The following TSHR variants were observed in gnomAD, a reference collection of about 807,000 sequenced individuals.
TSHR encodes thyroid stimulating hormone receptor, also known as thyrotropin receptor.
A neutral mutation model predicts 64.1 loss-of-function variants in TSHR; 51 were observed. That is an observed-to-expected ratio of 0.80 (90% CI 0.64 to 1.01). The LOEUF is 1.01. TSHR is among the 50% of genes least tolerant of loss of function. The probability of loss-of-function intolerance (pLI) is 0.00; values close to 1 mark genes in which losing one functional copy is unlikely to be tolerated. For missense variants in TSHR, 877 were observed against 942.8 expected, an observed-to-expected ratio of 0.93 and a Z score of 0.91; for synonymous variants, 361 against 361.9, an observed-to-expected ratio of 1.00 and a Z score of 0.03.
intron 7 of TSHR, among the ~76,000 whole-genome samples, chr14:81,097,292 G>T (rs576622290): frequency 6.6e-6 from 1 of 151,290 alleles, no homozygotes; most frequent in South Asian, 2.1e-4. Flanking sequence ...GCTCATTTTT[G>T]CTAGTGTCTT....
intron 1 of TSHR, among the ~76,000 whole-genome samples, chr14:81,010,185 C>T (rs1212732049): frequency 6.6e-6 from 1 of 152,010 alleles, no homozygotes; most frequent in Non-Finnish European, 1.5e-5. Context: ...CTTTTTATTG[C>T]TTCATAAGAG....
chr14:81,090,139 G>A (rs1888609628), intron 4 of TSHR, among the ~76,000 whole-genome samples: 1 of 152,098 alleles, frequency 6.6e-6, no homozygotes, highest in Non-Finnish European at 1.5e-5. Context: ...GAGAATTCTT[G>A]TATTCATGGT....
intron 1 of TSHR, among the ~76,000 whole-genome samples, chr14:81,031,466 CATG>C (rs1305435836): frequency 2.6e-5 from 4 of 152,008 alleles, no homozygotes; most frequent in African/African-American, 9.7e-5. Context: ...TAGAAAAAAA[CATG>C]AGGCTTTAAC....
At chr14:81,085,487 C>T (rs1888223094) in intron 3 of TSHR, among the ~76,000 whole-genome samples, 1 of 151,482 alleles carries the variant, frequency 6.6e-6, no homozygotes, top group Non-Finnish European at 1.5e-5. Context: ...GAAATCTTCT[C>T]CTCCTTCATG....
At chr14:80,993,622 G>T (rs1245651382) in intron 1 of TSHR, 2 of 151,774 alleles carry the variant, frequency 1.3e-5, no homozygotes, top group African/African-American at 2.4e-5. Flanking sequence ...ATAATGTAAG[G>T]GCAAAAATAT....
At chr14:80,957,703 G>C (rs1030579010) in intron 1 of TSHR, 1 of 152,198 alleles carries the variant, frequency 6.6e-6, no homozygotes, top group Non-Finnish European at 1.5e-5. Flanking sequence ...TGGAGAATGA[G>C]CAATGGAACA....
intron 1 of TSHR, among the ~76,000 whole-genome samples, chr14:80,976,072 C>T (rs1435479713): frequency 1.3e-5 from 2 of 152,102 alleles, no homozygotes; most frequent in Non-Finnish European, 2.9e-5. Context: ...CAACCACGCC[C>T]GGCTAATTTT....
intron 1 of TSHR, among the ~76,000 whole-genome samples, chr14:81,004,804 G>A (rs897018233): frequency 1.3e-5 from 2 of 152,184 alleles, no homozygotes; most frequent in African/African-American, 4.8e-5. Flanking sequence ...CATATTCATG[G>A]TTTATTTAAA....
At chr14:81,114,199 C>G (rs1890365650) in intron 8 of TSHR, among the ~76,000 whole-genome samples, 1 of 151,598 alleles carries the variant, frequency 6.6e-6, no homozygotes, top group Non-Finnish European at 1.5e-5. Flanking sequence ...ATAGGAACAG[C>G]TCCGGTCTAC....
At chr14:81,001,934 T>C in intron 1 of TSHR, 1 of 192,284 alleles carries the variant, frequency 5.2e-6, no homozygotes, top group Non-Finnish European at 1.1e-5. Flanking sequence ...TTTTTCTTCC[T>C]CCCCTTCTAA....
intron 1 of TSHR, among the ~76,000 whole-genome samples, chr14:80,965,360 C>G (rs1478857908): frequency 6.6e-6 from 1 of 152,186 alleles, no homozygotes; most frequent in Non-Finnish European, 1.5e-5. Flanking sequence ...ACTCTTTCAG[C>G]CTGCAACACC....
chr14:81,101,599 A>C (rs1889584435), intron 7 of TSHR, among the ~76,000 whole-genome samples: 1 of 152,206 alleles, frequency 6.6e-6, no homozygotes, highest in African/African-American at 2.4e-5. Context: ...CAATTATTCC[A>C]GTTCAAGGTC....
At chr14:81,038,011 C>T (rs919758275) in intron 1 of TSHR, among the ~76,000 whole-genome samples, 7 of 151,532 alleles carry the variant, frequency 4.6e-5, no homozygotes, top group African/African-American at 1.5e-4. Context: ...ATTTCACCCA[C>T]CAGCAACCTA....
intron 1 of TSHR, among the ~76,000 whole-genome samples, chr14:80,964,884 G>T (rs552482488): frequency 6.6e-6 from 1 of 152,314 alleles, no homozygotes; most frequent in South Asian, 2.1e-4. Context: ...CATTTCAACA[G>T]TTACTACTGT....
intron 3 of TSHR, among the ~76,000 whole-genome samples, chr14:81,069,474 G>A (rs1886903852): frequency 6.6e-6 from 1 of 152,202 alleles, no homozygotes; most frequent in Non-Finnish European, 1.5e-5. Context: ...AGAGTGTTAT[G>A]AAGACAGTAA....
intron 1 of TSHR, among the ~76,000 whole-genome samples, chr14:81,008,954 T>G (rs1247540322): frequency 6.6e-6 from 1 of 152,194 alleles, no homozygotes; most frequent in African/African-American, 2.4e-5. Flanking sequence ...GACACACAAT[T>G]TTCTTGCTTA....
chr14:81,006,088 T>G (rs1415063892), intron 1 of TSHR, among the ~76,000 whole-genome samples: 2 of 152,186 alleles, frequency 1.3e-5, no homozygotes, highest in Admixed American at 1.3e-4. Context: ...TTGCTTAACC[T>G]CTTTGGGCTT....
intron 1 of TSHR, among the ~76,000 whole-genome samples, chr14:81,021,797 T>C (rs1883765384): frequency 1.3e-5 from 2 of 152,196 alleles, no homozygotes; most frequent in Admixed American, 1.3e-4. Context: ...ATCTGAGTCA[T>C]GATAAAAAAG....
intron 1 of TSHR, among the ~76,000 whole-genome samples, chr14:81,035,554 C>T (rs1235763602): frequency 6.6e-6 from 1 of 152,176 alleles, no homozygotes; most frequent in African/African-American, 2.4e-5. Flanking sequence ...AAGGATAGAA[C>T]TTCCCCTCTG....
Sources: gnomAD v4.1 joint callset for allele counts (sites outside exome capture counted in the v4.1 genomes callset) on GRCh38, gnomAD v4.1.1 for gene constraint, MANE v1.5 for transcripts, NCBI Gene and HGNC (gene_info 2026-07-23, HGNC 2026-07-21) for gene names.